MS4A4E: variants seen among roughly 807,000 people sequenced by gnomAD.
MS4A4E encodes putative membrane-spanning 4-domains subfamily A member 4E.
A neutral mutation model predicts 13.3 loss-of-function variants in MS4A4E; 23 were observed. That is an observed-to-expected ratio of 1.73 (90% CI 1.25 to 2.45). MS4A4E has a LOEUF of 2.45. Ranked by LOEUF, MS4A4E falls within the 30% of genes most tolerant of loss-of-function variation. The pLI is 0.00. For missense variants in MS4A4E, 144 were observed against 131.2 expected, an observed-to-expected ratio of 1.10 and a Z score of -0.48; for synonymous variants, 36 against 45.6, an observed-to-expected ratio of 0.79 and a Z score of 0.85.
At chr11:60,208,383 T>C (rs1210803945) in intron 6 of MS4A4E, among the ~76,000 whole-genome samples, 3 of 152,144 alleles carry the variant, frequency 2.0e-5, no homozygotes, top group African/African-American at 4.8e-5. Context: ...AATCAGAAGC[T>C]TTAGACAAGG....
intron 1 of MS4A4E, among the ~76,000 whole-genome samples, chr11:60,240,917 T>C (rs577830925): frequency 6.6e-6 from 1 of 152,238 alleles, no homozygotes; most frequent in Non-Finnish European, 1.5e-5. Flanking sequence ...TCTATGTTAT[T>C]TTCCTTTTAC....
intron 3 of MS4A4E, among the ~76,000 whole-genome samples, chr11:60,226,163 T>C (rs2134956027): frequency 6.6e-6 from 1 of 151,810 alleles, no homozygotes; most frequent in South Asian, 2.1e-4. Context: ...ATTAATTAAT[T>C]TTCAAAACAG....
chr11:60,228,203 G>C (rs547655131), intron 3 of MS4A4E, among the ~76,000 whole-genome samples: 1 of 152,116 alleles, frequency 6.6e-6, no homozygotes, highest in East Asian at 1.9e-4. Flanking sequence ...ACCTGACAAA[G>C]GATTGTTATT....
chr11:60,232,348 C>T (rs1307524219), intron 1 of MS4A4E, among the ~76,000 whole-genome samples: 2 of 125,292 alleles, frequency 1.6e-5, no homozygotes, highest in Non-Finnish European at 1.7e-5. Flanking sequence ...AACTACATTC[C>T]AACCAAAATA....
At chr11:60,224,458 C>T (rs2084316102) in intron 3 of MS4A4E, among the ~76,000 whole-genome samples, 1 of 151,950 alleles carries the variant, frequency 6.6e-6, no homozygotes, top group African/African-American at 2.4e-5. Flanking sequence ...GTAGTGTAGA[C>T]TCCTCCCAGC....
intron 3 of MS4A4E, among the ~76,000 whole-genome samples, chr11:60,219,769 C>CT (rs2084244285): frequency 6.6e-6 from 1 of 152,168 alleles, no homozygotes; most frequent in South Asian, 2.1e-4. Context: ...ATGATCAGAC[C>CT]TTTTGGGAAC....
chr11:60,237,747 T>A (rs1405524646), intron 1 of MS4A4E, among the ~76,000 whole-genome samples: 1 of 152,192 alleles, frequency 6.6e-6, no homozygotes, highest in Admixed American at 6.5e-5. Context: ...CGCATGTACA[T>A]CTTATTTTGA....
intron 2 of MS4A4E, 93 bp downstream of exon 2, chr11:60,229,819 T>G: frequency 6.9e-5 from 90 of 1,304,474 alleles, no homozygotes; most frequent in Non-Finnish European, 8.7e-5. Flanking sequence ...TGATGTATTA[T>G]GAGGCTAGCG....
At chr11:60,220,880 G>T (rs11230197) in intron 3 of MS4A4E, among the ~76,000 whole-genome samples, 23,106 of 152,130 alleles carry the variant, frequency 0.15, 2,018 homozygotes, top group African/African-American at 0.23. Flanking sequence ...TTAATCAAGA[G>T]ACCTGAAAGG....
At chr11:60,214,050 G>A (rs182129911) in intron 4 of MS4A4E, among the ~76,000 whole-genome samples, 7 of 152,030 alleles carry the variant, frequency 4.6e-5, no homozygotes, top group African/African-American at 7.2e-5. Context: ...GATTACAGGC[G>A]CCCGTCACCA....
intron 3 of MS4A4E, among the ~76,000 whole-genome samples, chr11:60,218,451 C>A (rs539765770): frequency 6.6e-6 from 1 of 152,148 alleles, no homozygotes; most frequent in Non-Finnish European, 1.5e-5. Context: ...CTGGTTTTTG[C>A]AGCTTGTGGG....
intron 5 of MS4A4E, among the ~76,000 whole-genome samples, chr11:60,212,076 T>C (rs1297255835): frequency 2.0e-5 from 3 of 152,124 alleles, no homozygotes; most frequent in African/African-American, 7.2e-5. Flanking sequence ...GTTGTGTAAG[T>C]GGTAATTTTC....
At chr11:60,235,199 G>A (rs763172934) in intron 1 of MS4A4E, among the ~76,000 whole-genome samples, 77 of 152,244 alleles carry the variant, frequency 5.1e-4, no homozygotes, top group Non-Finnish European at 8.2e-4. Flanking sequence ...ACTCACTGCA[G>A]CCTTGACCTC....
chr11:60,219,283 A>G (rs555994689), intron 3 of MS4A4E, among the ~76,000 whole-genome samples: 1 of 152,308 alleles, frequency 6.6e-6, no homozygotes, highest in South Asian at 2.1e-4. Flanking sequence ...CAAAATTTAA[A>G]TGCAATAAAA....
At chr11:60,242,766 C>A (rs897738155) in intron 1 of MS4A4E, among the ~76,000 whole-genome samples, 192 bp downstream of exon 1, 2 of 152,152 alleles carry the variant, frequency 1.3e-5, no homozygotes, top group Admixed American at 6.5e-5. Flanking sequence ...GAAGACTGTT[C>A]CTCAACCACC....
intron 1 of MS4A4E, among the ~76,000 whole-genome samples, chr11:60,234,881 T>TA (rs1392401331): frequency 7.0e-5 from 9 of 127,816 alleles, no homozygotes; most frequent in African/African-American, 2.2e-4. Flanking sequence ...GTGGCTGAAT[T>TA]TAAAAAAAAA....
chr11:60,206,238 G>C (rs1159047563), intron 6 of MS4A4E, among the ~76,000 whole-genome samples: 2 of 151,874 alleles, frequency 1.3e-5, no homozygotes, highest in African/African-American at 4.8e-5. Context: ...GTTTTGCATG[G>C]AGACCTCGTT....
At chr11:60,214,737 A>G (rs2084169264) in intron 3 of MS4A4E, 123 bp from the exon 4 acceptor site, 4 of 500,482 alleles carry the variant, frequency 8.0e-6, no homozygotes, top group Non-Finnish European at 1.3e-5. Flanking sequence ...CAGGTCAATT[A>G]TCTTAGAAAG....
intron 4 of MS4A4E, 168 bp from the exon 5 acceptor site, chr11:60,213,300 A>G (rs2134929006): frequency 2.0e-6 from 3 of 1,535,342 alleles, no homozygotes; most frequent in Middle Eastern, 1.7e-4. Context: ...ATATGATCCC[A>G]TTATTCTCCA....
Sources: allele counts gnomAD v4.1 joint callset (sites outside exome capture counted in the v4.1 genomes callset), GRCh38; gene constraint gnomAD v4.1.1; transcripts MANE v1.5; gene names NCBI Gene and HGNC (gene_info 2026-07-23, HGNC 2026-07-21).